Variants in PRKAR2A observed in about 807,000 individuals in gnomAD.
The protein encoded by PRKAR2A is protein kinase cAMP-dependent type II regulatory subunit alpha, also known as cAMP-dependent protein kinase type II-alpha regulatory subunit.
PRKAR2A carries 29 observed loss-of-function variants against 51.9 expected under a neutral mutation model. That is an observed-to-expected ratio of 0.56 (90% CI 0.42 to 0.76). The LOEUF (loss-of-function observed/expected upper bound fraction) is 0.76, where lower values mean the gene tolerates loss of function less well. PRKAR2A is among the 30% of genes least tolerant of loss of function. PRKAR2A has a pLI of 0.00. For missense variants in PRKAR2A, 445 were observed against 512.1 expected, an observed-to-expected ratio of 0.87 and a Z score of 1.26; for synonymous variants, 178 against 186.2, an observed-to-expected ratio of 0.96 and a Z score of 0.36.
chr3:48,840,240 ATC>A (rs1174456569), intron 1 of PRKAR2A, among the ~76,000 whole-genome samples: 6 of 152,110 alleles, frequency 3.9e-5, no homozygotes, highest in African/African-American at 1.4e-4. Context: ...CTGTAATCCC[ATC>A]ACTTTGGGAA....
At chr3:48,822,453 G>C (rs2082982643) in intron 1 of PRKAR2A, among the ~76,000 whole-genome samples, 1 of 152,064 alleles carries the variant, frequency 6.6e-6, no homozygotes, top group Non-Finnish European at 1.5e-5. Context: ...TATATGCTTA[G>C]ATTAGAGCAA....
chr3:48,783,668 C>A (rs2082240778), intron 4 of PRKAR2A, among the ~76,000 whole-genome samples: 1 of 152,160 alleles, frequency 6.6e-6, no homozygotes, highest in African/African-American at 2.4e-5. Flanking sequence ...ACAACCTCTA[C>A]CTCCCGAGTT....
intron 5 of PRKAR2A, among the ~76,000 whole-genome samples, chr3:48,782,203 C>T (rs2082208484): frequency 6.6e-6 from 1 of 152,094 alleles, no homozygotes; most frequent in Non-Finnish European, 1.5e-5. Context: ...GGTTAGGACA[C>T]AGTAGGGTGA....
chr3:48,765,723 T>TTAAA (rs2081930874), intron 6 of PRKAR2A, among the ~76,000 whole-genome samples: 1 of 13,458 alleles, frequency 7.4e-5, no homozygotes, highest in East Asian at 7.1e-3. Flanking sequence ...GACCCTCATT[T>TTAAA]CAAAAAAAAA....
chr3:48,815,635 G>C (rs1332904629), intron 1 of PRKAR2A, among the ~76,000 whole-genome samples: 1 of 151,014 alleles, frequency 6.6e-6, no homozygotes, highest in Non-Finnish European at 1.5e-5. Flanking sequence ...GGAGGTCACA[G>C]TAAGCCGAGA....
intron 9 of PRKAR2A, among the ~76,000 whole-genome samples, chr3:48,753,834 AT>A (rs2081705663): frequency 6.6e-6 from 1 of 152,134 alleles, no homozygotes; most frequent in Admixed American, 6.5e-5. Flanking sequence ...TATCTGAGAA[AT>A]CTACAAACAT....
At chr3:48,784,262 A>C (rs1035268347) in intron 4 of PRKAR2A, among the ~76,000 whole-genome samples, 1 of 152,210 alleles carries the variant, frequency 6.6e-6, no homozygotes, top group Non-Finnish European at 1.5e-5. Flanking sequence ...TGTAGACTGA[A>C]GACCTGAAAA....
At chr3:48,753,076 G>T (rs1559599105) in intron 9 of PRKAR2A, among the ~76,000 whole-genome samples, 1 of 151,216 alleles carries the variant, frequency 6.6e-6, no homozygotes, top group African/African-American at 2.4e-5. Flanking sequence ...GGGACCACAG[G>T]CGCCCGCCAC....
At chr3:48,752,399 T>A (rs1559598694) in intron 9 of PRKAR2A, 82 bp from the exon 10 acceptor site, 26 of 1,403,348 alleles carry the variant, frequency 1.9e-5, no homozygotes, top group Non-Finnish European at 2.3e-5. Flanking sequence ...TACACTGTTC[T>A]CAGCATACTC....
intron 1 of PRKAR2A, among the ~76,000 whole-genome samples, chr3:48,836,288 G>A (rs897347366): frequency 4.0e-5 from 6 of 151,002 alleles, no homozygotes; most frequent in Admixed American, 1.3e-4. Context: ...GCGTGGTGAC[G>A]GGTACCTGTA....
At chr3:48,824,707 G>A (rs1358899680) in intron 1 of PRKAR2A, among the ~76,000 whole-genome samples, 3 of 152,128 alleles carry the variant, frequency 2.0e-5, no homozygotes, top group Non-Finnish European at 1.5e-5. Flanking sequence ...AACACTTTGG[G>A]AGGGCGAGGC....
chr3:48,804,773 G>A (rs2082648014), intron 2 of PRKAR2A, among the ~76,000 whole-genome samples: 1 of 152,116 alleles, frequency 6.6e-6, no homozygotes. Context: ...GATCCTTGGA[G>A]GAGAGGAGGT....
intron 6 of PRKAR2A, 147 bp downstream of exon 6, chr3:48,772,808 T>C: frequency 1.2e-6 from 1 of 820,646 alleles, no homozygotes. Flanking sequence ...ACCTGGCTAT[T>C]TTTTTTGTAT....
chr3:48,802,389 A>G (rs1169088335), intron 2 of PRKAR2A, among the ~76,000 whole-genome samples: 1 of 152,156 alleles, frequency 6.6e-6, no homozygotes, highest in Non-Finnish European at 1.5e-5. Context: ...AGCAAACAAC[A>G]AAGATAATTT....
chr3:48,764,913 C>A (rs916554889), intron 8 of PRKAR2A, 91 bp downstream of exon 8: 2 of 1,190,354 alleles, frequency 1.7e-6, no homozygotes, highest in Non-Finnish European at 2.4e-6. Flanking sequence ...GCGTGAGCCA[C>A]TGCGTCCGGC....
intron 8 of PRKAR2A, among the ~76,000 whole-genome samples, 155 bp from the exon 9 acceptor site, chr3:48,756,599 C>A (rs780234570): frequency 4.6e-5 from 7 of 152,094 alleles, no homozygotes; most frequent in Non-Finnish European, 8.8e-5. Flanking sequence ...GGCAATGAGA[C>A]CTTGCCTCTT....
intron 9 of PRKAR2A, 148 bp from the exon 10 acceptor site, chr3:48,752,465 A>C: frequency 1.2e-6 from 1 of 825,246 alleles, no homozygotes; most frequent in Non-Finnish European, 1.8e-6. Context: ...TACCATGTAA[A>C]CTCCATGGAC....
intron 5 of PRKAR2A, among the ~76,000 whole-genome samples, chr3:48,776,507 G>A (rs947417472): frequency 2.0e-5 from 3 of 152,056 alleles, no homozygotes; most frequent in Non-Finnish European, 2.9e-5. Flanking sequence ...GCTAGGCATG[G>A]TGGCTCACGC....
rs191705697 is a variant in PRKAR2A at position 48,830,976 on chromosome 3, C to T, written c.262+16359G>A. ...GCGGTAATACAAGCAAGGGAAGTAGCTATAAACACAGATGAAGCTTCACTT... is the reference window on the plus strand; with the variant it reads ...GCGGTAATACAAGCAAGGGAAGTAGTTATAAACACAGATGAAGCTTCACTT... On this transcript the variant is annotated intron_variant, in intron 1 of 10. Transcript: ENST00000265563. Among the ~76,000 whole-genome samples, 12 of 152,296 alleles carry T rather than the reference C, an allele frequency of 7.9e-5. No individual in the cohort carries two copies. The East Asian group carries it at 2.3e-3, about 29-fold the overall frequency.
Sources: allele counts gnomAD v4.1 joint callset (sites outside exome capture counted in the v4.1 genomes callset), GRCh38; gene constraint gnomAD v4.1.1; transcripts MANE v1.5; gene names NCBI Gene and HGNC (gene_info 2026-07-23, HGNC 2026-07-21).